SHPRH: variants seen among roughly 807,000 people sequenced by gnomAD.
SHPRH encodes SNF2 histone linker PHD RING helicase.
A neutral mutation model predicts 202.5 loss-of-function variants in SHPRH; 106 were observed. That is an observed-to-expected ratio of 0.52 (90% CI 0.45 to 0.62). SHPRH has a LOEUF of 0.62. SHPRH is among the 20% of genes least tolerant of loss of function. The pLI is 0.00. For synonymous variants in SHPRH, 729 were observed against 686.0 expected (o/e 1.06, Z -0.98); for missense variants, 1,710 against 2,020.0 (o/e 0.85, Z 2.94).
chr6:145,951,703 G>C, intron 3 of SHPRH: 1 of 440,600 alleles, frequency 2.3e-6, no homozygotes. Context: ...ATGTACTAGA[G>C]AAATAACAAT....
At chr6:145,894,017 A>T in intron 27 of SHPRH, 133 bp downstream of exon 27, 1 of 536,246 alleles carries the variant, frequency 1.9e-6, no homozygotes, top group Non-Finnish European at 3.1e-6. Flanking sequence ...TTCACTTTAT[A>T]ATTAATCAAG....
At chr6:145,914,614 G>T (rs2128742242) in intron 23 of SHPRH, among the ~76,000 whole-genome samples, 1 of 152,218 alleles carries the variant, frequency 6.6e-6, no homozygotes, top group East Asian at 1.9e-4. Context: ...GTAATTTGCA[G>T]ATCCTTAAGT....
chr6:145,876,473 G>C (rs1161157838), intron 2 of SHPRH, among the ~76,000 whole-genome samples: 1 of 152,132 alleles, frequency 6.6e-6, no homozygotes, highest in Non-Finnish European at 1.5e-5. Context: ...ATGTTTTTAA[G>C]GTTCATCCAT....
intron 2 of SHPRH, among the ~76,000 whole-genome samples, chr6:145,872,674 A>C (rs201642776): frequency 6.6e-6 from 1 of 152,216 alleles, no homozygotes; most frequent in East Asian, 1.9e-4. Flanking sequence ...TCTACCCAGC[A>C]ATCTCATTAC....
chr6:145,861,731 A>G (rs1197366145), downstream of SHPRH, among the ~76,000 whole-genome samples: 1 of 152,178 alleles, frequency 6.6e-6, no homozygotes, highest in Non-Finnish European at 1.5e-5. Flanking sequence ...AGAAAACATT[A>G]TATACATGTA....
chr6:145,940,638 G>T, intron 11 of SHPRH, 85 bp downstream of exon 11: 1 of 1,331,236 alleles, frequency 7.5e-7, no homozygotes. Context: ...AGGGACTGCA[G>T]CAAAGGTTAA....
At position 145,941,877 on chromosome 6, in the gene SHPRH, A is replaced by G. The variant is rs1786816395; in HGVS notation, c.2239-3T>C. On this transcript the variant is annotated splice_region_variant and splice_polypyrimidine_tract_variant and intron_variant, in intron 9 of 29. Coordinates refer to ENST00000275233, the MANE Select transcript of SHPRH (RefSeq NM_001042683.3). ...TCTTTCTTCACTCCTTGATATACCT[A>G]GGAAATAATCAATACAGGCAGTTAT... The G allele has an allele frequency of 3.1e-6, 5 of 1,612,988 alleles. No homozygotes were observed. The highest frequency in any genetic ancestry group is 4.2e-6 in the Non-Finnish European group (5 of 1,179,534).
At chr6:145,945,238 T>G in intron 8 of SHPRH, 143 bp downstream of exon 8, 4 of 963,016 alleles carry the variant, frequency 4.2e-6, no homozygotes, top group Non-Finnish European at 5.8e-6. Context: ...AAGTAGAAAG[T>G]AGAAGTTACA....
rs554781243 is a variant in SHPRH at position 145,944,499 on chromosome 6, A to C, written c.1579-697T>G. ...CTTCCTCCAAGGCATATCAGGGCTG[A>C]GGTCGAACAGGGGAGTTAAGACACA... is the stretch of plus-strand genomic sequence containing the variant. On this transcript the variant is annotated intron_variant, in intron 8 of 29. Coordinates refer to ENST00000275233, the MANE Select transcript of SHPRH (RefSeq NM_001042683.3). Among the ~76,000 whole-genome samples the C allele has an allele frequency of 6.4e-3, 764 of 119,808 alleles. 4 individuals carry two copies. Among genetic ancestry groups the C allele is most frequent in the African/African-American group, 0.018 (744 of 40,334 alleles). 78.6% of individuals were successfully genotyped at this position (119,808 alleles called of 152,430 possible).
chr6:145,940,586 C>T, intron 11 of SHPRH, 137 bp downstream of exon 11: 1 of 777,366 alleles, frequency 1.3e-6, no homozygotes, highest in Non-Finnish European at 2.0e-6. Context: ...ATGCTTGAAA[C>T]TATTAGGAGT....
At chr6:145,956,433 A>G (rs1180063665) in intron 1 of SHPRH, among the ~76,000 whole-genome samples, 1 of 152,090 alleles carries the variant, frequency 6.6e-6, no homozygotes, top group Non-Finnish European at 1.5e-5. Context: ...TGGTTTAGAC[A>G]CTGCTCCCAC....
chr6:145,916,074 A>T (rs1045642037), intron 23 of SHPRH, among the ~76,000 whole-genome samples: 1 of 151,900 alleles, frequency 6.6e-6, no homozygotes, highest in African/African-American at 2.4e-5. Flanking sequence ...GGGTATTTTC[A>T]TTTGTACTGT....
chr6:145,890,047 A>C (rs565526455), intron 28 of SHPRH, among the ~76,000 whole-genome samples: 56 of 152,252 alleles, frequency 3.7e-4, no homozygotes, highest in African/African-American at 1.3e-3. Context: ...GTTGTCTCTA[A>C]TGAATCATTT....
Position 145,894,865 on chromosome 6 carries a change from G to A in SHPRH, c.4608+20C>T, listed in dbSNP as rs1284565604. 1 of 1,606,970 alleles carries A rather than the reference G, an allele frequency of 6.2e-7. No homozygotes were observed. ...AAAATCAGTTCGAATTAATATTGAG[G>A]ATGAAAATGTTGATTATACCGTTGA... On this transcript the variant is annotated intron_variant, in intron 26 of 29. Transcript: ENST00000275233.
At chr6:145,918,875 T>A (rs1784178578) in intron 22 of SHPRH, 1 of 153,322 alleles carries the variant, frequency 6.5e-6, no homozygotes, top group Non-Finnish European at 1.5e-5. Flanking sequence ...ATTGGTGGAG[T>A]AATGCTTTTA....
intron 25 of SHPRH, among the ~76,000 whole-genome samples, chr6:145,895,702 GACA>G (rs1781953897): frequency 2.0e-5 from 3 of 152,004 alleles, no homozygotes; most frequent in Non-Finnish European, 4.4e-5. Context: ...GAGATGGTAT[GACA>G]GAGAAATTAA....
At chr6:145,956,316 C>T (rs1788506186) in intron 1 of SHPRH, among the ~76,000 whole-genome samples, 1 of 152,016 alleles carries the variant, frequency 6.6e-6, no homozygotes, top group Non-Finnish European at 1.5e-5. Flanking sequence ...AACCAAGAAG[C>T]TCAATGAAAC....
rs780852326 is a variant in SHPRH at position 145,933,156 on chromosome 6, GC to G, written c.3012del (p.Leu1005Ter). The G allele has an allele frequency of 6.2e-7, 1 of 1,613,888 alleles. No individual in the cohort carries two copies. Among genetic ancestry groups the G allele is most frequent in the Admixed American group, 1.7e-5 (1 of 60,012 alleles). ...CCACATTTCTTCTGCAAAGATGTCA[GC>G]AGCTCTTCCATTGTCATGGTGCTAA... ...LQKSTMTMEELLTSLQKKCGT... is the reference protein window; with the variant it reads ...LQKSTMTMEEXLTSLQKKCGT... On this transcript the variant is annotated frameshift_variant, in exon 14 of 30. Coordinates refer to ENST00000275233, the MANE Select transcript of SHPRH (RefSeq NM_001042683.3). LOFTEE classifies it high-confidence loss of function.
At chr6:145,939,846 G>A (rs1461614169) in intron 11 of SHPRH, among the ~76,000 whole-genome samples, 1 of 151,936 alleles carries the variant, frequency 6.6e-6, no homozygotes, top group African/African-American at 2.4e-5. Context: ...CAAAGTAATG[G>A]ATACTGAGAT....
Sources: allele counts gnomAD v4.1 joint callset (sites outside exome capture counted in the v4.1 genomes callset), GRCh38; gene constraint gnomAD v4.1.1; transcripts MANE v1.5; gene names NCBI Gene and HGNC (gene_info 2026-07-23, HGNC 2026-07-21).